Variants in SLC30A8 observed in about 807,000 individuals in gnomAD.
SLC30A8 encodes solute carrier family 30 member 8.
Under a neutral mutation model 36.9 loss-of-function variants are expected in SLC30A8, and 27 were observed. The ratio of observed to expected loss-of-function variants is 0.73; its 90% CI spans 0.54 to 1.01. SLC30A8 has a LOEUF of 1.01. Ranked by LOEUF, SLC30A8 falls within the 50% of genes least tolerant of loss-of-function variation. The pLI is 0.00. For synonymous variants in SLC30A8, 164 were observed against 172.4 expected (o/e 0.95, Z 0.38); for missense variants, 439 against 452.0 (o/e 0.97, Z 0.26).
At chr8:117,000,330 T>C (rs1563741740) in intron 1 of SLC30A8, among the ~76,000 whole-genome samples, 1 of 152,152 alleles carries the variant, frequency 6.6e-6, no homozygotes, top group Non-Finnish European at 1.5e-5. Flanking sequence ...GTGTGAAGAT[T>C]TTTAGTCAGT....
At chr8:116,988,635 A>G (rs1206022152) in intron 1 of SLC30A8, among the ~76,000 whole-genome samples, 1 of 152,186 alleles carries the variant, frequency 6.6e-6, no homozygotes, top group East Asian at 1.9e-4. Context: ...TTAATATCTT[A>G]TGCGTGTTTC....
At chr8:117,156,890 T>C (rs879802554) in intron 3 of SLC30A8, among the ~76,000 whole-genome samples, 6 of 152,182 alleles carry the variant, frequency 3.9e-5, no homozygotes, top group Non-Finnish European at 8.8e-5. Context: ...ATCTCTGGGA[T>C]TAGCTTAAAG....
chr8:116,970,220 A>T lies in SLC30A8; in HGVS notation c.-266+19101A>T, dbSNP rs986777896. On this transcript the variant is annotated intron_variant, in intron 1 of 10. Transcript: ENST00000427715. Reference sequence around the variant, plus strand: ...CATACATTAGCTCAGGGTCACGATCATCAATATCATTGTCTTCCACTCCCA... The same window carrying T: ...CATACATTAGCTCAGGGTCACGATCTTCAATATCATTGTCTTCCACTCCCA... Among the ~76,000 whole-genome samples, 4 of 152,180 alleles carry T rather than the reference A, an allele frequency of 2.6e-5. No individual in the cohort carries two copies. In the South Asian group the frequency reaches 8.3e-4, roughly 31 times the overall value.
chr8:117,148,028 T>C (rs937916645), intron 2 of SLC30A8, among the ~76,000 whole-genome samples: 3 of 152,062 alleles, frequency 2.0e-5, no homozygotes, highest in African/African-American at 7.2e-5. Flanking sequence ...TGTTAGACCT[T>C]TGTTATATTA....
intron 2 of SLC30A8, among the ~76,000 whole-genome samples, chr8:117,053,159 G>A (rs546074718): frequency 6.6e-6 from 1 of 152,084 alleles, no homozygotes; most frequent in East Asian, 1.9e-4. Flanking sequence ...GTGATCTGCC[G>A]GCCTCGTGAT....
At chr8:116,954,866 A>C (rs1425699578) in intron 1 of SLC30A8, among the ~76,000 whole-genome samples, 5 of 152,222 alleles carry the variant, frequency 3.3e-5, no homozygotes, top group African/African-American at 9.6e-5. Context: ...AGTAGAAGTC[A>C]GTGATAGAGT....
chr8:117,041,460 G>T (rs965500421), intron 2 of SLC30A8, among the ~76,000 whole-genome samples: 1 of 152,194 alleles, frequency 6.6e-6, no homozygotes, highest in African/African-American at 2.4e-5. Context: ...GGCCAAGGCG[G>T]GTGGATAGCC....
chr8:116,955,732 A>T (rs1486173786), intron 1 of SLC30A8, among the ~76,000 whole-genome samples: 1 of 151,920 alleles, frequency 6.6e-6, no homozygotes. Context: ...CAAAAAAAAA[A>T]AAATAAAAAA....
chr8:117,121,366 C>T (rs1251912856), intron 2 of SLC30A8, among the ~76,000 whole-genome samples: 1 of 151,876 alleles, frequency 6.6e-6, no homozygotes, highest in Non-Finnish European at 1.5e-5. Context: ...TAACAAAACA[C>T]CATAAACCAG....
At chr8:117,146,761 A>T in intron 1 of SLC30A8, 193 bp from the exon 2 acceptor site, 1 of 1,350,028 alleles carries the variant, frequency 7.4e-7, no homozygotes, top group South Asian at 1.7e-5. Context: ...AACTTTTAGT[A>T]GTTGAAGTTT....
chr8:117,028,119 G>A (rs527574893), intron 1 of SLC30A8, among the ~76,000 whole-genome samples: 2 of 152,276 alleles, frequency 1.3e-5, no homozygotes, highest in African/African-American at 4.8e-5. Context: ...ATGCTGGAGG[G>A]AAAGAAGTGG....
intron 2 of SLC30A8, among the ~76,000 whole-genome samples, chr8:117,103,009 G>GA (rs1819795061): frequency 6.6e-6 from 1 of 152,032 alleles, no homozygotes; most frequent in African/African-American, 2.4e-5. Context: ...CAAAAGTCTT[G>GA]AGTCATTCCA....
intron 1 of SLC30A8, among the ~76,000 whole-genome samples, chr8:117,022,001 T>C (rs1482744543): frequency 6.6e-6 from 1 of 151,296 alleles, no homozygotes; most frequent in Admixed American, 6.6e-5. Context: ...GTTGTGCAAA[T>C]GTAAAAGTTT....
intron 2 of SLC30A8, among the ~76,000 whole-genome samples, chr8:117,060,173 TTTA>T (rs1473435940): frequency 6.6e-6 from 1 of 152,008 alleles, no homozygotes; most frequent in African/African-American, 2.4e-5. Flanking sequence ...CTTTTTTATT[TTTA>T]TTATTTATTT....
chr8:117,035,008 ATG>A (rs1288102338), intron 1 of SLC30A8, among the ~76,000 whole-genome samples: 3 of 152,102 alleles, frequency 2.0e-5, no homozygotes, highest in Non-Finnish European at 4.4e-5. Flanking sequence ...ACCTCCCACC[ATG>A]TCTCTCTCTC....
chr8:117,112,271 A>G (rs1187560744), intron 2 of SLC30A8, among the ~76,000 whole-genome samples: 1 of 152,134 alleles, frequency 6.6e-6, no homozygotes, highest in African/African-American at 2.4e-5. Context: ...AAAATGTTTT[A>G]ATGTGGGTTG....
At chr8:117,030,941 A>C (rs928589754) in intron 1 of SLC30A8, among the ~76,000 whole-genome samples, 1 of 152,194 alleles carries the variant, frequency 6.6e-6, no homozygotes, top group African/African-American at 2.4e-5. Context: ...CAAGAGAAAC[A>C]ATCTATTTAA....
At chr8:117,081,856 A>G (rs977610623) in intron 2 of SLC30A8, among the ~76,000 whole-genome samples, 1 of 152,200 alleles carries the variant, frequency 6.6e-6, no homozygotes, top group Admixed American at 6.5e-5. Flanking sequence ...AATAGGCAAT[A>G]ATTGCCGATT....
upstream of SLC30A8, among the ~76,000 whole-genome samples, chr8:117,133,330 C>T (rs766468236): frequency 2.0e-5 from 3 of 151,936 alleles, no homozygotes; most frequent in East Asian, 1.9e-4. Context: ...TTATTCTTGC[C>T]CCATAGGCAA....
Sources: allele counts gnomAD v4.1 joint callset (sites outside exome capture counted in the v4.1 genomes callset), GRCh38; gene constraint gnomAD v4.1.1; transcripts MANE v1.5; gene names NCBI Gene and HGNC (gene_info 2026-07-23, HGNC 2026-07-21).